Variants in SLC24A1 observed in about 807,000 individuals in gnomAD.
SLC24A1 encodes the protein sodium/potassium/calcium exchanger 1.
In SLC24A1, 52 loss-of-function variants were observed where a neutral mutation model predicts 88.1. The observed-to-expected ratio is 0.59, with a 90% confidence interval of 0.47 to 0.74. The LOEUF (loss-of-function observed/expected upper bound fraction) is 0.74, where lower values mean the gene tolerates loss of function less well. Ranked by LOEUF, SLC24A1 falls within the 30% of genes least tolerant of loss-of-function variation. The pLI is 0.00. For synonymous variants in SLC24A1, 455 were observed against 498.0 expected, an observed-to-expected ratio of 0.91 and a Z score of 1.15; for missense variants, 1,173 against 1,363.3, an observed-to-expected ratio of 0.86 and a Z score of 2.20.
In SLC24A1 at chr15:65,639,599, C is replaced by A; in HGVS notation, c.1949C>A (p.Pro650Gln). The change falls in exon 4 of 10, where the codon CCG (proline) becomes CAG (glutamine). Residue 650 changes from proline (P) to glutamine (Q), a missense_variant. Transcript: ENST00000261892. ...ELQDNKKLKL[P>Q]SLLTRGSSST... is the part of the protein sequence containing the mutation. The stretch of plus-strand genomic sequence containing the variant: ...TGCGGCTCTCCTCTTGCTCAGCTCC[C>A]GTCCTTGCTGACCCGAGGGAGCAGC... The A allele has an allele frequency of 6.2e-7, 1 of 1,605,596 alleles. No homozygotes were observed. The highest frequency in any genetic ancestry group is 2.3e-5 in the East Asian group (1 of 44,418).
intron 2 of SLC24A1, among the ~76,000 whole-genome samples, chr15:65,635,471 GA>G (rs1019171783): frequency 1.6e-4 from 15 of 92,938 alleles, no homozygotes; most frequent in East Asian, 8.3e-4. Flanking sequence ...AAAAAAAAAA[GA>G]AAAAAAAAGA....
At chr15:65,659,314 A>G (rs1275518357), downstream of SLC24A1, 1 of 60,520 alleles carries the variant, frequency 1.7e-5, no homozygotes, top group Non-Finnish European at 3.6e-5. Flanking sequence ...AATGATTGAT[A>G]TTTTCTGGTT....
At chr15:65,648,329 G>T (rs964767388) in intron 6 of SLC24A1, among the ~76,000 whole-genome samples, 1 of 152,086 alleles carries the variant, frequency 6.6e-6, no homozygotes, top group East Asian at 1.9e-4. Flanking sequence ...ACATCCTTTG[G>T]GGGTTGCCAA....
rs1169173803 is a variant in SLC24A1, at chr15:65,625,285, C to G, written c.1205C>G (p.Ala402Gly). ...HHCVVVKPTPAMLTTPSPSLT... is the reference protein window; with the variant it reads ...HHCVVVKPTPGMLTTPSPSLT... ...TGTGTGGTTGTGAAGCCAACCCCAG[C>G]CATGCTCACCACTCCCTCCCCAAGC... Residue 402 changes from alanine to glycine, a missense_variant, in exon 2 of 10, where the codon GCC (alanine) becomes GGC (glycine). Coordinates refer to ENST00000261892, the MANE Select transcript of SLC24A1 (RefSeq NM_004727.3). 1.2e-6 allele frequency: 2 copies of G among 1,614,004 alleles called. No individual in the cohort carries two copies. Among genetic ancestry groups the G allele is most frequent in the Non-Finnish European group, 1.7e-6 (2 of 1,179,884 alleles).
intron 6 of SLC24A1, among the ~76,000 whole-genome samples, chr15:65,648,391 A>G (rs557660316): frequency 5.4e-4 from 83 of 152,352 alleles, no homozygotes; most frequent in African/African-American, 1.9e-3. Flanking sequence ...CACACAGCCC[A>G]GGGCTCTTGC....
At chr15:65,644,164 A>G (rs1056814673) in intron 4 of SLC24A1, 2 of 444,980 alleles carry the variant, frequency 4.5e-6, no homozygotes, top group Non-Finnish European at 8.3e-6. Flanking sequence ...CAGAGAGGAA[A>G]TAGGCCTTGA....
At position 65,639,652 on chromosome 15, in the gene SLC24A1, C is replaced by T. The variant is rs200758853; in HGVS notation, c.2002C>T (p.Arg668Cys). 152 of 1,613,192 alleles carry T rather than the reference C, an allele frequency of 9.4e-5. No individual in the cohort carries two copies. In the African/African-American group the frequency reaches 1.5e-3, roughly 16 times the overall value. The stretch of plus-strand genomic sequence containing the variant: ...GACCTCTCTGCACAACAGCACCATC[C>T]GCAGCACCATCTACCAGCTCATGCT... Reference protein sequence around the residue: ...SSTSLHNSTIRSTIYQLMLHS... With the variant: ...SSTSLHNSTICSTIYQLMLHS... The change falls in exon 4 of 10, where the codon CGC becomes TGC. Residue 668 changes from arginine (R) to cysteine (C), a missense_variant. Physicochemically the swap from Arg to Cys is radical, Grantham distance 180 (BLOSUM62 -3). Coordinates refer to ENST00000261892, the MANE Select transcript of SLC24A1 (RefSeq NM_004727.3).
At position 65,624,191 on chromosome 15, in the gene SLC24A1, T is replaced by C; in HGVS notation, c.111T>C (p.Thr37=). The stretch of plus-strand genomic sequence containing the variant: ...TGGGAATGTTGATCATCGGTTCTAC[T>C]TATCAGCACCTTAGGAGACCCCGGG... ...FLLGMLIIGS[T]YQHLRRPRGL... The change falls in exon 2 of 10, where the codon ACT becomes ACC. Residue 37 remains threonine, a synonymous_variant. Coordinates refer to ENST00000261892, the MANE Select transcript of SLC24A1 (RefSeq NM_004727.3). 6.2e-7 allele frequency: 1 copy of C among 1,613,896 alleles called. No homozygotes were observed. Among genetic ancestry groups the C allele is most frequent in the Non-Finnish European group, 8.5e-7 (1 of 1,179,858 alleles).
Position 65,625,399 on chromosome 15 carries a change from AC to A in SLC24A1, c.1325del (p.Pro442GlnfsTer21), listed in dbSNP as rs774410891. On this transcript the variant is annotated frameshift_variant, in exon 2 of 10. Coordinates refer to ENST00000261892, the MANE Select transcript of SLC24A1 (RefSeq NM_004727.3). LOFTEE classifies it high-confidence loss of function. ...SLPDLHPKGEYPPDLFSVEER... is the reference protein window; with the variant it reads ...SLPDLHPKGEXPPDLFSVEER... ...CCAGACCTCCACCCCAAGGGAGAGT[AC>A]CCCCCAGATCTGTTCAGTGTGGAGG... 35 of 1,613,642 alleles carry A rather than the reference AC, an allele frequency of 2.2e-5. No individual in the cohort carries two copies. In the African/African-American group the frequency reaches 4.0e-4, roughly 18 times the overall value.
In SLC24A1 at chr15:65,625,956, G is replaced by C. The variant is rs913524068; in HGVS notation, c.1876G>C (p.Glu626Gln). The change falls in exon 2 of 10, where the codon GAA becomes CAA. Residue 626 changes from glutamate to glutamine, a missense_variant. Coordinates refer to ENST00000261892, the MANE Select transcript of SLC24A1 (RefSeq NM_004727.3). ...GCCAGTGGCCAAGGTCATGGCCTTA[G>C]AAGACCTCAGCAAGGTAAGGACAAA... ...RRPVAKVMALEDLSKPGDGAI... is the reference protein window; with the variant it reads ...RRPVAKVMALQDLSKPGDGAI... The C allele has an allele frequency of 6.2e-6, 10 of 1,613,056 alleles. No homozygotes were observed. Among genetic ancestry groups the C allele is most frequent in the Non-Finnish European group, 8.5e-6 (10 of 1,179,156 alleles).
intron 9 of SLC24A1, 74 bp from the exon 10 acceptor site, chr15:65,653,756 T>C: frequency 7.0e-7 from 1 of 1,424,732 alleles, no homozygotes. Context: ...CTTTGTAAAG[T>C]ATAAACTACT....
In SLC24A1 at chr15:65,654,219, C is replaced by G; in HGVS notation, c.*140C>G. 5.5e-6 allele frequency: 8 copies of G among 1,444,962 alleles called. No individual in the cohort carries two copies. Among genetic ancestry groups the G allele is most frequent in the Non-Finnish European group, 7.2e-6 (8 of 1,104,126 alleles). The allele number at this position is 1,444,962 out of a possible 1,614,324, so 89.5% of individuals were successfully genotyped here. ...CTAGGACCTCTGATATGAATGTGAT[C>G]TGAGACTAAAGTTTGTCCTTGGAAA... On this transcript the variant is annotated 3_prime_UTR_variant, in exon 10 of 10. Coordinates refer to ENST00000261892, the MANE Select transcript of SLC24A1 (RefSeq NM_004727.3).
Position 65,639,647 on chromosome 15 carries a change from C to T in SLC24A1, c.1997C>T (p.Thr666Ile), listed in dbSNP as rs201406843. ...AGCTCGACCTCTCTGCACAACAGCACCATCCGCAGCACCATCTACCAGCTC... is the reference window on the plus strand; with the variant it reads ...AGCTCGACCTCTCTGCACAACAGCATCATCCGCAGCACCATCTACCAGCTC... ...GSSSTSLHNSTIRSTIYQLML... is the reference protein window; with the variant it reads ...GSSSTSLHNSIIRSTIYQLML... Residue 666 changes from threonine (T) to isoleucine (I), a missense_variant, in exon 4 of 10, where the codon ACC (threonine) becomes ATC (isoleucine). Physicochemically the swap from Thr to Ile is moderately conservative, Grantham distance 89 (BLOSUM62 -1). Transcript: ENST00000261892. The T allele has an allele frequency of 2.5e-6, 4 of 1,613,196 alleles. No homozygotes were observed. Among genetic ancestry groups the T allele is most frequent in the Admixed American group, 3.3e-5 (2 of 59,960 alleles).
Position 65,624,388 on chromosome 15 carries a change from C to A in SLC24A1, c.308C>A (p.Thr103Lys), listed in dbSNP as rs1163046915. 8 of 1,613,468 alleles carry A rather than the reference C, an allele frequency of 5.0e-6. No homozygotes were observed. Among genetic ancestry groups the A allele is most frequent in the South Asian group, 2.2e-5 (2 of 90,994 alleles). The change falls in exon 2 of 10, where the codon ACA becomes AAA. Residue 103 changes from threonine (T) to lysine (K), a missense_variant. Physicochemically the swap from Thr to Lys is moderately conservative, Grantham distance 78. Coordinates refer to ENST00000261892, the MANE Select transcript of SLC24A1 (RefSeq NM_004727.3). ...PQASVGSDEA[T>K]LSMTVENIPS... The stretch of plus-strand genomic sequence containing the variant: ...GCCTCAGTGGGCAGTGATGAAGCAA[C>A]ACTGAGCATGACAGTGGAGAATATC...
chr15:65,623,180 A>C (rs2074379427), intron 1 of SLC24A1, among the ~76,000 whole-genome samples: 1 of 152,236 alleles, frequency 6.6e-6, no homozygotes, highest in South Asian at 2.1e-4. Context: ...TATACAGTGA[A>C]AATAAGTCAC....
chr15:65,623,292 G>A (rs979761813), intron 1 of SLC24A1, among the ~76,000 whole-genome samples: 5 of 151,978 alleles, frequency 3.3e-5, no homozygotes, highest in Non-Finnish European at 7.4e-5. Context: ...CACAGATGAG[G>A]CACCAAGGCT....
chr15:65,627,688 A>G (rs569368173), intron 2 of SLC24A1, among the ~76,000 whole-genome samples: 103 of 152,310 alleles, frequency 6.8e-4, no homozygotes, highest in African/African-American at 2.4e-3. Context: ...CTCTGAAGAA[A>G]ATGCCTAATG....
At chr15:65,648,574 C>G (rs915000924) in intron 6 of SLC24A1, among the ~76,000 whole-genome samples, 2 of 151,864 alleles carry the variant, frequency 1.3e-5, no homozygotes, top group Non-Finnish European at 2.9e-5. Flanking sequence ...CTCTGCCTCC[C>G]GGGTTCAAGC....
intron 2 of SLC24A1, among the ~76,000 whole-genome samples, chr15:65,630,226 G>A (rs1179181450): frequency 6.6e-6 from 1 of 152,182 alleles, no homozygotes; most frequent in Non-Finnish European, 1.5e-5. Flanking sequence ...CTGGCTTCAA[G>A]CAATCCTCTC....
Sources: gnomAD v4.1 joint callset for allele counts (sites outside exome capture counted in the v4.1 genomes callset) on GRCh38, gnomAD v4.1.1 for gene constraint, MANE v1.5 for transcripts, NCBI Gene and HGNC (gene_info 2026-07-23, HGNC 2026-07-21) for gene names.